Variants in SEMA3E observed in about 807,000 individuals in gnomAD.
The protein encoded by SEMA3E is semaphorin-3E.
A neutral mutation model predicts 93.6 loss-of-function variants in SEMA3E; 49 were observed. The ratio of observed to expected loss-of-function variants is 0.52; its 90% CI spans 0.42 to 0.66. The LOEUF (loss-of-function observed/expected upper bound fraction) is 0.66. SEMA3E is among the 30% of genes least tolerant of loss of function. The pLI, the probability that SEMA3E is intolerant of heterozygous loss-of-function variation, is 0.00. For missense variants in SEMA3E, 906 were observed against 964.8 expected (o/e 0.94, Z 0.81); for synonymous variants, 363 against 330.7 (o/e 1.10, Z -1.06).
intron 1 of SEMA3E, among the ~76,000 whole-genome samples, chr7:83,509,855 T>TA (rs760924257): frequency 1.3e-5 from 2 of 152,338 alleles, no homozygotes; most frequent in Non-Finnish European, 2.9e-5. Context: ...ATAAGGTACA[T>TA]ACATAGTATT....
intron 7 of SEMA3E, 103 bp from the exon 8 acceptor site, chr7:83,406,162 A>G: frequency 2.4e-6 from 2 of 837,384 alleles, no homozygotes; most frequent in South Asian, 2.7e-5. Context: ...TGACTTTTTT[A>G]TTTAACTAGG....
At chr7:83,593,280 CTCTCTGTG>C (rs1193209348) in intron 1 of SEMA3E, among the ~76,000 whole-genome samples, 172 of 109,192 alleles carry the variant, frequency 1.6e-3, no homozygotes, top group African/African-American at 6.9e-3. Context: ...CTCTCTCTCT[CTCTCTGTG>C]TGTGTGTGTG....
chr7:83,601,511 T>C (rs1407278221), intron 1 of SEMA3E, among the ~76,000 whole-genome samples: 1 of 152,184 alleles, frequency 6.6e-6, no homozygotes, highest in Non-Finnish European at 1.5e-5. Context: ...GTATGTGTTC[T>C]AAGTGAATCT....
chr7:83,593,488 T>C (rs1332141858), intron 1 of SEMA3E, among the ~76,000 whole-genome samples: 1 of 151,972 alleles, frequency 6.6e-6, no homozygotes, highest in Admixed American at 6.6e-5. Flanking sequence ...TAAACAATCT[T>C]AAAACAATAT....
chr7:83,519,300 C>A (rs905110514), intron 1 of SEMA3E, among the ~76,000 whole-genome samples: 1 of 152,098 alleles, frequency 6.6e-6, no homozygotes, highest in East Asian at 1.9e-4. Flanking sequence ...AGGACATGAA[C>A]TTGTCTTGGA....
chr7:83,386,798 C>T (rs569964940), intron 15 of SEMA3E, among the ~76,000 whole-genome samples, 185 bp downstream of exon 15: 2 of 152,158 alleles, frequency 1.3e-5, no homozygotes, highest in South Asian at 4.2e-4. Flanking sequence ...ACTTATTTTC[C>T]TAATCAGGTA....
intron 4 of SEMA3E, among the ~76,000 whole-genome samples, chr7:83,455,106 G>T (rs1334482224): frequency 6.6e-6 from 1 of 152,190 alleles, no homozygotes; most frequent in Non-Finnish European, 1.5e-5. Flanking sequence ...AAATCACAGA[G>T]TACATTGTTG....
intron 1 of SEMA3E, among the ~76,000 whole-genome samples, chr7:83,605,693 G>T (rs1584359895): frequency 6.6e-6 from 1 of 152,258 alleles, no homozygotes; most frequent in South Asian, 2.1e-4. Flanking sequence ...GCCTCCCAAA[G>T]TGCTGGGATT....
chr7:83,542,227 C>T (rs888418328), intron 1 of SEMA3E, among the ~76,000 whole-genome samples: 2 of 151,838 alleles, frequency 1.3e-5, no homozygotes, highest in African/African-American at 4.8e-5. Context: ...TGGCACACTC[C>T]TGTACTCTTG....
chr7:83,645,311 T>A (rs1197771447), intron 1 of SEMA3E, among the ~76,000 whole-genome samples: 1 of 152,002 alleles, frequency 6.6e-6, no homozygotes, highest in Non-Finnish European at 1.5e-5. Context: ...TCACCAATAT[T>A]ACCCTATTGA....
At chr7:83,633,019 C>T (rs973776942) in intron 1 of SEMA3E, among the ~76,000 whole-genome samples, 1 of 151,972 alleles carries the variant, frequency 6.6e-6, no homozygotes, top group Non-Finnish European at 1.5e-5. Context: ...ATACAATTTT[C>T]CTAAACTATA....
At chr7:83,588,314 G>A (rs780108919) in intron 1 of SEMA3E, among the ~76,000 whole-genome samples, 4 of 152,058 alleles carry the variant, frequency 2.6e-5, no homozygotes, top group Non-Finnish European at 5.9e-5. Flanking sequence ...CCCAGAGACG[G>A]AGTTTGCAAT....
chr7:83,568,433 G>A (rs547173496), intron 1 of SEMA3E, among the ~76,000 whole-genome samples: 40 of 151,986 alleles, frequency 2.6e-4, no homozygotes, highest in South Asian at 6.2e-4. Context: ...ACAAAAATCC[G>A]TAGGCCAATA....
chr7:83,568,049 C>G (rs1291518887), intron 1 of SEMA3E, among the ~76,000 whole-genome samples: 1 of 151,802 alleles, frequency 6.6e-6, no homozygotes, highest in East Asian at 1.9e-4. Context: ...TAAAGTTACA[C>G]TGCAACTTAT....
At chr7:83,541,431 T>C (rs752713472) in intron 1 of SEMA3E, among the ~76,000 whole-genome samples, 6 of 152,072 alleles carry the variant, frequency 3.9e-5, no homozygotes, top group Admixed American at 6.6e-5. Flanking sequence ...TACTGAGAAA[T>C]TGGAGATGTT....
At chr7:83,547,647 G>A (rs1451606880) in intron 1 of SEMA3E, among the ~76,000 whole-genome samples, 2 of 152,066 alleles carry the variant, frequency 1.3e-5, no homozygotes, top group Admixed American at 1.3e-4. Flanking sequence ...ATCAAATCAT[G>A]TCTAAAGATT....
chr7:83,486,962 T>C (rs1347267644), intron 2 of SEMA3E, among the ~76,000 whole-genome samples: 22 of 152,142 alleles, frequency 1.4e-4, no homozygotes, highest in Admixed American at 1.2e-3. Context: ...CTTGACATCC[T>C]GGCTAGATGG....
At chr7:83,483,347 A>C (rs1025418874) in intron 2 of SEMA3E, among the ~76,000 whole-genome samples, 1 of 152,262 alleles carries the variant, frequency 6.6e-6, no homozygotes, top group Admixed American at 6.5e-5. Context: ...TATGAGTGAG[A>C]CCTGTTGCTA....
intron 4 of SEMA3E, among the ~76,000 whole-genome samples, chr7:83,455,900 G>A (rs373275112): frequency 1.2e-4 from 18 of 152,266 alleles, no homozygotes; most frequent in East Asian, 3.9e-4. Context: ...TCATGAACCC[G>A]GAATATGACC....
Sources: gnomAD v4.1 joint callset for allele counts (sites outside exome capture counted in the v4.1 genomes callset) on GRCh38, gnomAD v4.1.1 for gene constraint, MANE v1.5 for transcripts, NCBI Gene and HGNC (gene_info 2026-07-23, HGNC 2026-07-21) for gene names.